ELOVL5: variants seen among roughly 807,000 people sequenced by gnomAD.
ELOVL5 encodes the protein ELOVL fatty acid elongase 5.
Under a neutral mutation model 38.6 loss-of-function variants are expected in ELOVL5, and 8 were observed. That is an observed-to-expected ratio of 0.21 (90% CI 0.12 to 0.37). The LOEUF is 0.37. Among genes scored for constraint, ELOVL5 ranks in the 10% least tolerant of loss-of-function variants. The pLI is 1.00. For missense variants in ELOVL5, 280 were observed against 367.8 expected (o/e 0.76, Z 1.95); for synonymous variants, 127 against 133.7 (o/e 0.95, Z 0.34).
At position 53,305,206 on chromosome 6, in the gene ELOVL5, A is replaced by AC. The variant is rs1157662215; in HGVS notation, c.-8-9500dup. The stretch of plus-strand genomic sequence containing the variant: ...GGGCGGCTGGCTGGGCGCGGGGCTG[A>AC]CCCCCCACCTCCCTCCCGGACGGGG... On this transcript the variant is annotated intron_variant, in intron 1 of 7. Transcript: ENST00000304434. Among the ~76,000 whole-genome samples the AC allele has an allele frequency of 4.3e-5, 4 of 92,466 alleles. No individual in the cohort carries two copies. In the South Asian group the frequency reaches 1.2e-3, roughly 28 times the overall value. 60.7% of individuals were successfully genotyped at this position (92,466 alleles called of 152,430 possible).
chr6:53,337,724 C>T (rs1769135390), intron 1 of ELOVL5, among the ~76,000 whole-genome samples: 1 of 152,208 alleles, frequency 6.6e-6, no homozygotes, highest in African/African-American at 2.4e-5. Flanking sequence ...CAGGTACAAC[C>T]TCATCTAATT....
intron 2 of ELOVL5, among the ~76,000 whole-genome samples, chr6:53,293,568 T>A (rs1427555213): frequency 5.3e-5 from 8 of 152,204 alleles, no homozygotes; most frequent in Admixed American, 5.2e-4. Flanking sequence ...CCCACCTGCC[T>A]TGGCCTCCCA....
At chr6:53,291,220 G>A (rs1294103849) in intron 3 of ELOVL5, among the ~76,000 whole-genome samples, 2 of 152,126 alleles carry the variant, frequency 1.3e-5, no homozygotes, top group African/African-American at 2.4e-5. Context: ...TAAAATAACT[G>A]GGCCTGAACT....
chr6:53,312,602 G>A (rs1767889110), intron 1 of ELOVL5, among the ~76,000 whole-genome samples: 1 of 152,210 alleles, frequency 6.6e-6, no homozygotes, highest in Non-Finnish European at 1.5e-5. Flanking sequence ...ACTAATGTCA[G>A]TATGCTGGTT....
intron 3 of ELOVL5, among the ~76,000 whole-genome samples, chr6:53,285,376 G>A (rs930429081): frequency 1.3e-5 from 2 of 152,228 alleles, no homozygotes; most frequent in Non-Finnish European, 1.5e-5. Context: ...ATTCTGTGAA[G>A]CCTGGGAGAG....
intron 1 of ELOVL5, among the ~76,000 whole-genome samples, chr6:53,307,523 C>T (rs997264939): frequency 6.6e-6 from 1 of 152,182 alleles, no homozygotes; most frequent in African/African-American, 2.4e-5. Context: ...TGACAATGAT[C>T]AGTTTCATAT....
chr6:53,281,158 G>A (rs1766337080), intron 3 of ELOVL5, among the ~76,000 whole-genome samples: 1 of 152,280 alleles, frequency 6.6e-6, no homozygotes, highest in African/African-American at 2.4e-5. Flanking sequence ...AAGACTGGCT[G>A]CTTCTGGTGA....
chr6:53,286,936 T>C (rs1766595351), intron 3 of ELOVL5, among the ~76,000 whole-genome samples: 1 of 152,220 alleles, frequency 6.6e-6, no homozygotes, highest in South Asian at 2.1e-4. Flanking sequence ...GACTGTACTT[T>C]AGATGCATTT....
At chr6:53,319,676 A>G (rs1380340922) in intron 1 of ELOVL5, among the ~76,000 whole-genome samples, 1 of 152,040 alleles carries the variant, frequency 6.6e-6, no homozygotes, top group African/African-American at 2.4e-5. Context: ...CTTCCATCCA[A>G]CTTCCTTTTC....
In ELOVL5 at chr6:53,347,375, C is replaced by T. The variant is rs372976336; in HGVS notation, c.-9+1442G>A. Among the ~76,000 whole-genome samples, 7 of 152,260 alleles carry T rather than the reference C, an allele frequency of 4.6e-5. No homozygotes were observed. In the South Asian group the frequency reaches 1.5e-3, roughly 32 times the overall value. ...TGTCTGAGCTACCAGAAAAGTAACC[C>T]ACTTGTCCCCAATCACAGATGGAAG... On this transcript the variant is annotated intron_variant, in intron 1 of 7. Coordinates refer to ENST00000304434, the MANE Select transcript of ELOVL5 (RefSeq NM_021814.5).
chr6:53,333,202 C>T (rs1282783938), intron 1 of ELOVL5, among the ~76,000 whole-genome samples: 1 of 152,220 alleles, frequency 6.6e-6, no homozygotes, highest in Non-Finnish European at 1.5e-5. Flanking sequence ...AGGTGGATTA[C>T]ATATCCTCAT....
At chr6:53,318,216 GA>G (rs71546109) in intron 1 of ELOVL5, among the ~76,000 whole-genome samples, 1 of 152,068 alleles carries the variant, frequency 6.6e-6, no homozygotes, top group Non-Finnish European at 1.5e-5. Context: ...GGAAAGTAGA[GA>G]AAAAATATCT....
intron 1 of ELOVL5, among the ~76,000 whole-genome samples, chr6:53,322,032 TTTTTAAAACCTCTAAGAAG>T (rs2127587682): frequency 6.6e-6 from 1 of 152,348 alleles, no homozygotes; most frequent in South Asian, 2.1e-4. Flanking sequence ...TAGTTACCAA[TTTTTAAAACCTCTAAGAAG>T]TATTATGCTT....
chr6:53,291,385 T>C (rs1766769274), intron 3 of ELOVL5, among the ~76,000 whole-genome samples: 1 of 152,208 alleles, frequency 6.6e-6, no homozygotes, highest in Admixed American at 6.5e-5. Context: ...CTTCCTCCCC[T>C]ACCTTCAAAC....
chr6:53,292,402 G>A (rs1412581176), intron 2 of ELOVL5, among the ~76,000 whole-genome samples: 1 of 152,222 alleles, frequency 6.6e-6, no homozygotes, highest in African/African-American at 2.4e-5. Context: ...CTCAGAAAAC[G>A]TGCTGCTTAG....
At chr6:53,348,142 C>T (rs1769649263) in intron 1 of ELOVL5, among the ~76,000 whole-genome samples, 1 of 152,106 alleles carries the variant, frequency 6.6e-6, no homozygotes, top group South Asian at 2.1e-4. Flanking sequence ...CCACCAGCCT[C>T]ATCCCTCCCT....
At chr6:53,285,590 G>C (rs1400079772) in intron 3 of ELOVL5, among the ~76,000 whole-genome samples, 1 of 152,120 alleles carries the variant, frequency 6.6e-6, no homozygotes, top group Non-Finnish European at 1.5e-5. Flanking sequence ...ACTGCACCTG[G>C]GAGCATTTTT....
intron 1 of ELOVL5, among the ~76,000 whole-genome samples, chr6:53,305,116 A>C (rs1205190842): frequency 4.0e-4 from 33 of 82,914 alleles, no homozygotes; most frequent in African/African-American, 5.9e-4. Flanking sequence ...TGACCCCCCC[A>C]CCTCCCTCCC....
At chr6:53,320,344 T>C (rs188768092) in intron 1 of ELOVL5, among the ~76,000 whole-genome samples, 107 of 151,798 alleles carry the variant, frequency 7.0e-4, no homozygotes, top group Middle Eastern at 3.4e-3. Context: ...ATTTCTTTTT[T>C]TTCTTTTTTT....
Sources: gnomAD v4.1 joint callset for allele counts (sites outside exome capture counted in the v4.1 genomes callset) on GRCh38, gnomAD v4.1.1 for gene constraint, MANE v1.5 for transcripts, NCBI Gene and HGNC (gene_info 2026-07-23, HGNC 2026-07-21) for gene names.